Variants in PRDM4 observed in about 807,000 individuals in gnomAD.
PRDM4 encodes PR/SET domain 4.
PRDM4 carries 38 observed loss-of-function variants against 62.3 expected under a neutral mutation model. The ratio of observed to expected loss-of-function variants is 0.61; its 90% CI spans 0.47 to 0.80. The LOEUF (loss-of-function observed/expected upper bound fraction) is 0.80. Among genes scored for constraint, PRDM4 ranks in the 30% least tolerant of loss-of-function variants. The pLI, the probability that PRDM4 is intolerant of heterozygous loss-of-function variation, is 0.00. For synonymous variants in PRDM4, 339 were observed against 348.2 expected, an observed-to-expected ratio of 0.97 and a Z score of 0.30; for missense variants, 858 against 997.1, an observed-to-expected ratio of 0.86 and a Z score of 1.88.
At position 107,746,400 on chromosome 12, in the gene PRDM4, T is replaced by C. The variant is rs770108097; in HGVS notation, c.1151A>G (p.Tyr384Cys). 1.5e-5 allele frequency: 24 copies of C among 1,610,740 alleles called. No homozygotes were observed. Among genetic ancestry groups the C allele is most frequent in the East Asian group, 2.2e-5 (1 of 44,738 alleles). Reference sequence around the variant, plus strand: ...TCCATGTTCGGGACAGTCCGAGGGATAGGCGCGGTCACACAGAGTACACCC... The same window carrying C: ...TCCATGTTCGGGACAGTCCGAGGGACAGGCGCGGTCACACAGAGTACACCC... The part of the protein sequence containing the change: ...TIWCTLCDRA[Y>C]PSDCPEHGPV... The change falls in exon 6 of 12, where the codon TAT becomes TGT. Residue 384 changes from tyrosine to cysteine, a missense_variant. Physicochemically the swap from Tyr to Cys is radical, Grantham distance 194. This residue lies in a region of PRDM4 where 499 missense variants were observed against 546.7 expected (regional missense o/e 0.91). Coordinates refer to ENST00000228437, the MANE Select transcript of PRDM4 (RefSeq NM_012406.4).
rs1427277384 is a variant in PRDM4 at position 107,751,418 on chromosome 12, T to C, written c.1123A>G (p.Ile375Val). 6.2e-7 allele frequency: 1 copy of C among 1,601,254 alleles called. No homozygotes were observed. ...NKENMATLFT[I>V]WCTLCDRAYP... ...AAGAAAGGCTAAACACACTCACAAATTGTAAACAAGGTTGCCATGTTCTCC... is the reference window on the plus strand; with the variant it reads ...AAGAAAGGCTAAACACACTCACAAACTGTAAACAAGGTTGCCATGTTCTCC... The change falls in exon 5 of 12, where the codon ATT (isoleucine) becomes GTT (valine). Residue 375 changes from isoleucine (I) to valine (V), a missense_variant. Ile to Val is a conservative substitution (Grantham distance 29). Coordinates refer to ENST00000228437, the MANE Select transcript of PRDM4 (RefSeq NM_012406.4).
At chr12:107,741,814 T>A (rs956973517) in intron 9 of PRDM4, among the ~76,000 whole-genome samples, 1 of 152,212 alleles carries the variant, frequency 6.6e-6, no homozygotes, top group Admixed American at 6.5e-5. Context: ...AGCAAAATAT[T>A]TAGGTTTTAT....
At chr12:107,756,786 A>G (rs1891078447) in intron 3 of PRDM4, 46 bp downstream of exon 3, 1 of 1,607,712 alleles carries the variant, frequency 6.2e-7, no homozygotes, top group East Asian at 2.2e-5. Context: ...TAGAATTGAT[A>G]ACAGAGTTAA....
chr12:107,759,504 T>C (rs1032114931), intron 2 of PRDM4, among the ~76,000 whole-genome samples: 2 of 152,230 alleles, frequency 1.3e-5, no homozygotes, highest in Admixed American at 1.3e-4. Context: ...TGAATATTTA[T>C]TTAATTTCAA....
chr12:107,747,419 T>C (rs1593169555), intron 5 of PRDM4, among the ~76,000 whole-genome samples: 1 of 151,988 alleles, frequency 6.6e-6, no homozygotes, highest in Non-Finnish European at 1.5e-5. Flanking sequence ...ATAAACAAGA[T>C]GGTCAACCAA....
intron 4 of PRDM4, 58 bp downstream of exon 4, chr12:107,753,866 A>C: frequency 6.7e-7 from 1 of 1,493,536 alleles, no homozygotes; most frequent in Non-Finnish European, 9.1e-7. Flanking sequence ...TCAGGATAAA[A>C]GTTTAAAAGC....
chr12:107,754,605 A>G (rs763415664), intron 3 of PRDM4, among the ~76,000 whole-genome samples: 1 of 152,006 alleles, frequency 6.6e-6, no homozygotes, highest in Non-Finnish European at 1.5e-5. Context: ...CTGGTCTCGA[A>G]CTCCTGGCCT....
chr12:107,740,911 CA>C, intron 10 of PRDM4, 34 bp downstream of exon 10: 11 of 1,584,608 alleles, frequency 6.9e-6, no homozygotes, highest in Non-Finnish European at 9.5e-6. Flanking sequence ...CTAATTGTTG[CA>C]AAAATTCCAT....
rs1025229181 is a variant in PRDM4 at position 107,744,482 on chromosome 12, T to C, written c.1395+61A>G. ...CTGATTTTGACTTTATCATAACTTT[T>C]TAACTACCTCTTACTAAGAAAAACA... On this transcript the variant is annotated intron_variant, in intron 7 of 11. Coordinates refer to ENST00000228437, the MANE Select transcript of PRDM4 (RefSeq NM_012406.4). The C allele has an allele frequency of 1.6e-5, 25 of 1,566,226 alleles. No individual in the cohort carries two copies. In the African/African-American group the frequency reaches 3.0e-4, roughly 19 times the overall value.
Position 107,734,130 on chromosome 12 carries a change from A to G in PRDM4, c.*80T>C, listed in dbSNP as rs1324864817. On this transcript the variant is annotated 3_prime_UTR_variant, in exon 12 of 12. Transcript: ENST00000228437. ...AAATAAATCAGGAACCATTTTATAT[A>G]AAAACCATTATAGTAGATAACTGGT... is the stretch of plus-strand genomic sequence containing the variant. 1.8e-5 allele frequency: 25 copies of G among 1,401,762 alleles called. No homozygotes were observed. The highest frequency in any genetic ancestry group is 2.2e-5 in the Non-Finnish European group (23 of 1,033,434). 86.8% of individuals were successfully genotyped at this position (1,401,762 alleles called of 1,614,324 possible). A position where few individuals can be genotyped will look rare whatever the true frequency, so the allele number is the denominator to read the frequency against.
At chr12:107,746,481 C>T (rs1458166806) in intron 5 of PRDM4, 57 bp from the exon 6 acceptor site, 105 of 1,414,732 alleles carry the variant, frequency 7.4e-5, no homozygotes, top group Non-Finnish European at 9.5e-5. Context: ...GGCTAAATTA[C>T]CACCACGGTT....
chr12:107,760,808 C>T, intron 1 of PRDM4, 37 bp from the exon 2 acceptor site: 1 of 372,588 alleles, frequency 2.7e-6, no homozygotes, highest in Non-Finnish European at 4.9e-6. Context: ...ACCAAAACCA[C>T]AACAAGGTCG....
intron 7 of PRDM4, among the ~76,000 whole-genome samples, chr12:107,743,526 A>C (rs1037196535): frequency 2.6e-5 from 4 of 152,196 alleles, no homozygotes; most frequent in African/African-American, 9.6e-5. Context: ...TTTGTTTTTG[A>C]TTATTCAACC....
chr12:107,746,392 C>T lies in PRDM4; in HGVS notation c.1159G>A (p.Asp387Asn), dbSNP rs1438740650. ...GTCACTGGTCCATGTTCGGGACAGT[C>T]CGAGGGATAGGCGCGGTCACACAGA... The part of the protein sequence containing the change: ...CTLCDRAYPS[D>N]CPEHGPVTFV... The change falls in exon 6 of 12, where the codon GAC becomes AAC. Residue 387 changes from aspartate (D) to asparagine (N), a missense_variant. By Grantham distance (23) the Asp-to-Asn change is conservative. Transcript: ENST00000228437. 2 of 1,612,154 alleles carry T rather than the reference C, an allele frequency of 1.2e-6. No homozygotes were observed. The highest frequency in any genetic ancestry group is 1.1e-5 in the South Asian group (1 of 90,654).
chr12:107,734,086 T>G lies in PRDM4; in HGVS notation c.*124A>C. 2.0e-6 allele frequency: 2 copies of G among 980,194 alleles called. No individual in the cohort carries two copies. Among genetic ancestry groups the G allele is most frequent in the Non-Finnish European group, 3.0e-6 (2 of 671,790 alleles). The allele number at this position is 980,194 out of a possible 1,614,324, so 60.7% of individuals were successfully genotyped here. On this transcript the variant is annotated 3_prime_UTR_variant, in exon 12 of 12. Coordinates refer to ENST00000228437, the MANE Select transcript of PRDM4 (RefSeq NM_012406.4). ...GTAAGTGCTTTATTCATTCCCAGTC[T>G]GTTTTGATTACTGGCTGAAAATAAA...
rs1891217234 is a variant in PRDM4 at position 107,760,687 on chromosome 12, G to A, written c.-172C>T. 5.7e-6 allele frequency: 4 copies of A among 706,112 alleles called. No individual in the cohort carries two copies. The highest frequency in any genetic ancestry group is 2.9e-5 in the Admixed American group (1 of 33,962). 43.7% of individuals were successfully genotyped at this position (706,112 alleles called of 1,614,324 possible). ...GCCCAACTTCTCCCGAGGGCCGGTGGCCGTGCACCCCGCCACGGGTTGGGG... is the reference window on the plus strand; with the variant it reads ...GCCCAACTTCTCCCGAGGGCCGGTGACCGTGCACCCCGCCACGGGTTGGGG... On this transcript the variant is annotated 5_prime_UTR_variant, in exon 2 of 12. Coordinates refer to ENST00000228437, the MANE Select transcript of PRDM4 (RefSeq NM_012406.4).
At position 107,734,609 on chromosome 12, in the gene PRDM4, G is replaced by A. The variant is rs1214233804; in HGVS notation, c.2094-87C>T. The A allele has an allele frequency of 3.9e-6, 5 of 1,275,778 alleles. No individual in the cohort carries two copies. In the Admixed American group the frequency reaches 8.3e-5, roughly 21 times the overall value. 79.0% of individuals were successfully genotyped at this position (1,275,778 alleles called of 1,614,324 possible). On this transcript the variant is annotated intron_variant, in intron 11 of 11. Coordinates refer to ENST00000228437, the MANE Select transcript of PRDM4 (RefSeq NM_012406.4). The stretch of plus-strand genomic sequence containing the variant: ...TTATTCTTCATAGCCGCAGGCCTTT[G>A]TCAGAGCAGCTCTATCCTTCTGAAT...
intron 5 of PRDM4, among the ~76,000 whole-genome samples, chr12:107,746,719 A>C (rs1263222936): frequency 6.6e-6 from 1 of 152,140 alleles, no homozygotes. Flanking sequence ...TCCTGACCTC[A>C]GATGATGCAC....
In PRDM4 at chr12:107,751,440, C is replaced by T. The variant is rs1168487921; in HGVS notation, c.1101G>A (p.Glu367=). 1.2e-6 allele frequency: 2 copies of T among 1,606,568 alleles called. No individual in the cohort carries two copies. Among genetic ancestry groups the T allele is most frequent in the East Asian group, 4.5e-5 (2 of 44,624 alleles). ...AAATTGTAAACAAGGTTGCCATGTT[C>T]TCCTTGTTTGAATTGGAGTCTTCCA... The part of the protein sequence containing the change: ...LQMEDSNSNK[E]NMATLFTIWC... The change falls in exon 5 of 12, where the codon GAG becomes GAA. Residue 367 remains glutamate, a synonymous_variant. Coordinates refer to ENST00000228437, the MANE Select transcript of PRDM4 (RefSeq NM_012406.4).
Sources: gnomAD v4.1 joint callset for allele counts (sites outside exome capture counted in the v4.1 genomes callset) on GRCh38, gnomAD v4.1.1 for gene constraint, gnomAD v4.1.1 regional missense constraint, MANE v1.5 for transcripts, NCBI Gene and HGNC (gene_info 2026-07-23, HGNC 2026-07-21) for gene names.